Variants in PRELID3B observed in about 807,000 individuals in gnomAD.
The protein encoded by PRELID3B is PRELI domain containing protein 3B.
In PRELID3B, 15 loss-of-function variants were observed where a neutral mutation model predicts 24.0. The observed-to-expected ratio is 0.63, with a 90% CI of 0.42 to 0.96. PRELID3B has a LOEUF of 0.96. Among genes scored for constraint, PRELID3B ranks in the 40% least tolerant of loss-of-function variants. The pLI is 0.00. For synonymous variants in PRELID3B, 62 were observed against 76.0 expected (o/e 0.82, Z 0.96); for missense variants, 189 against 236.0 (o/e 0.80, Z 1.30).
At chr20:59,037,525 C>T (rs1287032500) in intron 2 of PRELID3B, among the ~76,000 whole-genome samples, 1 of 152,230 alleles carries the variant, frequency 6.6e-6, no homozygotes. Flanking sequence ...AGAACGTCTG[C>T]AACGTGAGGC....
chr20:59,037,734 C>T (rs375395923), intron 2 of PRELID3B, among the ~76,000 whole-genome samples: 21 of 152,358 alleles, frequency 1.4e-4, no homozygotes, highest in Middle Eastern at 3.4e-3. Context: ...GAGGCTCACA[C>T]GTCAGTGTCC....
At chr20:59,042,660 G>A in intron 1 of PRELID3B, 39 bp downstream of exon 1, 4 of 1,571,804 alleles carry the variant, frequency 2.5e-6, no homozygotes, top group Admixed American at 1.9e-5. Context: ...GGGCCGGCGT[G>A]CCTGCCCTCC....
chr20:59,042,080 C>G (rs2092114172), intron 1 of PRELID3B, among the ~76,000 whole-genome samples: 1 of 152,220 alleles, frequency 6.6e-6, no homozygotes, highest in Non-Finnish European at 1.5e-5. Flanking sequence ...CCTTTTCCAT[C>G]TCTCAGATGA....
chr20:59,037,219 T>C lies in PRELID3B; in HGVS notation c.263A>G (p.Glu88Gly). ...AGTAGATTTAAGTTCCATTGTTTTC[T>C]CTACAGGATCAACTACAGAATGTTC... Reference protein sequence around the residue: ...VQEHSVVDPVEKTMELKSTNI... With the variant: ...VQEHSVVDPVGKTMELKSTNI... The change falls in exon 3 of 6, where the codon GAG becomes GGG. Residue 88 changes from glutamate to glycine, a missense_variant. By Grantham distance (98) the Glu-to-Gly change is moderately conservative (BLOSUM62 -2). Transcript: ENST00000355937. 3 of 1,613,922 alleles carry C rather than the reference T, an allele frequency of 1.9e-6. No individual in the cohort carries two copies. Among genetic ancestry groups the C allele is most frequent in the Non-Finnish European group, 2.5e-6 (3 of 1,179,816 alleles).
Position 59,034,906 on chromosome 20 carries a change from A to G in PRELID3B, c.*101T>C. The stretch of plus-strand genomic sequence containing the variant: ...CCAACTTATCAAAAAAAAAAAAAAA[A>G]AAACTACCCAAAATATAGTTGTATT... On this transcript the variant is annotated 3_prime_UTR_variant, in exon 6 of 6. Coordinates refer to ENST00000355937, the MANE Select transcript of PRELID3B (RefSeq NM_016045.3). The G allele has an allele frequency of 8.6e-7, 1 of 1,160,822 alleles. No homozygotes were observed. Among genetic ancestry groups the G allele is most frequent in the South Asian group, 2.5e-5 (1 of 39,374 alleles). The allele number at this position is 1,160,822 out of a possible 1,614,324, so 71.9% of individuals were successfully genotyped here.
rs777836474 is a variant in PRELID3B, at chr20:59,038,590, G to C, written c.77C>G (p.Pro26Arg). 1 of 1,612,430 alleles carries C rather than the reference G, an allele frequency of 6.2e-7. No homozygotes were observed. The highest frequency in any genetic ancestry group is 8.5e-7 in the Non-Finnish European group (1 of 1,179,672). ...TVTTAAMQKY[P>R]NPMNPSVVGV... ...AACCACACTTGGGTTCATAGGGTTT[G>C]GGTATTTCTGCATTGCAGCTGTTGT... Residue 26 changes from proline (P) to arginine (R), a missense_variant, in exon 2 of 6, where the codon CCA becomes CGA. Transcript: ENST00000355937.
chr20:59,033,453 A>G lies in PRELID3B; in HGVS notation c.*1554T>C, dbSNP rs1431659439. On this transcript the variant is annotated 3_prime_UTR_variant, in exon 6 of 6. Coordinates refer to ENST00000355937, the MANE Select transcript of PRELID3B (RefSeq NM_016045.3). ...CAAAGCAGATTTTCATCAAATATCAATTATTTAGCGATGTTTTATTTAGCT... is the reference window on the plus strand; with the variant it reads ...CAAAGCAGATTTTCATCAAATATCAGTTATTTAGCGATGTTTTATTTAGCT... 1 of 152,242 alleles carries G rather than the reference A, an allele frequency of 6.6e-6. No individual in the cohort carries two copies. The highest frequency in any genetic ancestry group is 1.9e-4 in the East Asian group (1 of 5,208). 9.4% of individuals were successfully genotyped at this position (152,242 alleles called of 1,614,324 possible).
Position 59,042,684 on chromosome 20 carries a change from G to A in PRELID3B, c.32+15C>T, listed in dbSNP as rs1207214959. The A allele has an allele frequency of 3.8e-6, 6 of 1,587,600 alleles. No homozygotes were observed. In the Admixed American group the frequency reaches 5.4e-5, roughly 14 times the overall value. ...TGCCTGCCCTCCACGGAGCCGACCC[G>A]CGCCCCAAACTTACTCAAAGACGTG... On this transcript the variant is annotated intron_variant, in intron 1 of 5. Transcript: ENST00000355937.
intron 1 of PRELID3B, 39 bp downstream of exon 1, chr20:59,042,660 G>C (rs1440309544): frequency 6.4e-7 from 1 of 1,571,804 alleles, no homozygotes; most frequent in Non-Finnish European, 8.6e-7. Context: ...GGGCCGGCGT[G>C]CCTGCCCTCC....
At chr20:59,036,425 C>T in intron 5 of PRELID3B, 46 bp downstream of exon 5, 1 of 1,448,564 alleles carries the variant, frequency 6.9e-7, no homozygotes, top group South Asian at 1.1e-5. Flanking sequence ...ATTCCATTCC[C>T]AGGAAATGAA....
At chr20:59,037,163 A>T in intron 3 of PRELID3B, 28 bp downstream of exon 3, 1 of 1,552,448 alleles carries the variant, frequency 6.4e-7, no homozygotes, top group East Asian at 2.2e-5. Flanking sequence ...GACAGTTCGA[A>T]ATGAAACAAA....
rs1454045385 is a variant in PRELID3B at position 59,034,266 on chromosome 20, T to G, written c.*741A>C. The G allele has an allele frequency of 6.6e-6, 1 of 152,216 alleles. No individual in the cohort carries two copies. Among genetic ancestry groups the G allele is most frequent in the Non-Finnish European group, 1.5e-5 (1 of 68,044 alleles). 9.4% of individuals were successfully genotyped at this position (152,216 alleles called of 1,614,324 possible). On this transcript the variant is annotated 3_prime_UTR_variant, in exon 6 of 6. Transcript: ENST00000355937. ...TGTTCTTCTGTTTAAGTTAGAGCAC[T>G]GCAAAACTCAGGTAATGACTTTATT...
rs1258525444 is a variant in PRELID3B at position 59,035,064 on chromosome 20, G to A, written c.528C>T (p.Ala176=). 4 of 1,613,704 alleles carry A rather than the reference G, an allele frequency of 2.5e-6. No homozygotes were observed. The highest frequency in any genetic ancestry group is 2.2e-5 in the East Asian group (1 of 44,888). ...KLNAEIEELT[A]SARGTIRTPM... ...GAGTCCTTATGGTTCCTCTTGCTGA[G>A]GCTGTCAGTTCTTCAATCTCAGCAT... The change falls in exon 6 of 6, where the codon GCC becomes GCT. Residue 176 remains alanine, a synonymous_variant. Transcript: ENST00000355937.
intron 1 of PRELID3B, among the ~76,000 whole-genome samples, chr20:59,041,552 T>C (rs769809619): frequency 6.6e-6 from 1 of 152,024 alleles, no homozygotes; most frequent in East Asian, 1.9e-4. Flanking sequence ...CTGACCAACA[T>C]GGTGAAACTC....
rs6015422 is a variant in PRELID3B, at chr20:59,036,649, A to G, written c.362+41T>C. 906 of 1,575,446 alleles carry G rather than the reference A, an allele frequency of 5.8e-4. 3 individuals carry two copies. In the African/African-American group the frequency reaches 1.0e-2, roughly 17 times the overall value. ...AAAAAACTTGATAAAAAAACCTTAA[A>G]CACCCTTTACGATACATTTGTTAAA... On this transcript the variant is annotated intron_variant, in intron 4 of 5. Transcript: ENST00000355937.
Position 59,035,047 on chromosome 20 carries a change from A to C in PRELID3B, c.545T>G (p.Ile182Arg). 1 of 1,613,998 alleles carries C rather than the reference A, an allele frequency of 6.2e-7. No individual in the cohort carries two copies. Among genetic ancestry groups the C allele is most frequent in the Non-Finnish European group, 8.5e-7 (1 of 1,179,968 alleles). ...EELTASARGT[I>R]RTPMAAAAFA... ...CGCTGCTGCTGCCATTGGAGTCCTT[A>C]TGGTTCCTCTTGCTGAGGCTGTCAG... Residue 182 changes from isoleucine to arginine, a missense_variant, in exon 6 of 6, where the codon ATA (isoleucine) becomes AGA (arginine). Transcript: ENST00000355937.
intron 2 of PRELID3B, among the ~76,000 whole-genome samples, chr20:59,037,719 C>T (rs529116289): frequency 1.2e-4 from 18 of 152,356 alleles, no homozygotes; most frequent in African/African-American, 3.8e-4. Context: ...AGCGTTCTTA[C>T]GATGGAGGCT....
At chr20:59,038,356 G>T in intron 2 of PRELID3B, 110 bp downstream of exon 2, 1 of 848,764 alleles carries the variant, frequency 1.2e-6, no homozygotes. Context: ...TTGAACGGAT[G>T]CAAAAAATGA....
At chr20:59,039,406 A>G (rs2092096420) in intron 1 of PRELID3B, among the ~76,000 whole-genome samples, 2 of 152,242 alleles carry the variant, frequency 1.3e-5, no homozygotes, top group South Asian at 4.1e-4. Flanking sequence ...TCAAAAAGGC[A>G]CATGTGCTTG....
Sources: allele counts gnomAD v4.1 joint callset (sites outside exome capture counted in the v4.1 genomes callset), GRCh38; gene constraint gnomAD v4.1.1; transcripts MANE v1.5; gene names NCBI Gene and HGNC (gene_info 2026-07-23, HGNC 2026-07-21).